The following KMT2A variants were observed in gnomAD, a reference collection of about 807,000 sequenced individuals.
The protein encoded by KMT2A is histone-lysine N-methyltransferase 2A.
KMT2A carries 16 observed loss-of-function variants against 345.3 expected under a neutral mutation model. The observed-to-expected ratio is 0.05, with a 90% CI of 0.03 to 0.07. The LOEUF (loss-of-function observed/expected upper bound fraction) is 0.07, where lower values mean the gene tolerates loss of function less well. KMT2A is among the 10% of genes least tolerant of loss of function. The pLI, the probability that KMT2A is intolerant of heterozygous loss-of-function variation, is 1.00. For synonymous variants in KMT2A, 1,599 were observed against 1,778.6 expected (o/e 0.90, Z 2.54); for missense variants, 3,272 against 4,841.6 (o/e 0.68, Z 9.62).
intron 1 of KMT2A, among the ~76,000 whole-genome samples, chr11:118,454,914 T>C (rs554487393): frequency 6.6e-6 from 1 of 152,300 alleles, no homozygotes; most frequent in Admixed American, 6.5e-5. Flanking sequence ...CCCATAGTTT[T>C]CCAGTCTTCG....
Position 118,482,470 on chromosome 11 carries a change from C to A in KMT2A, c.4061C>A (p.Pro1354His), listed in dbSNP as rs201813757. ...AAAGTGGCTCCCCGCCCAAGTATCC[C>A]TGTAAAACAAAAACCAAAAGAAAAG... ...QKKVAPRPSI[P>H]VKQKPKEKEK... is the part of the protein sequence containing the mutation. Residue 1354 changes from proline (P) to histidine (H), a missense_variant, in exon 8 of 36, where the codon CCT (proline) becomes CAT (histidine). Pro to His is a moderately conservative substitution (Grantham distance 77, BLOSUM62 -2). Transcript: ENST00000534358. 10 of 1,612,978 alleles carry A rather than the reference C, an allele frequency of 6.2e-6. No homozygotes were observed. The East Asian group carries it at 1.8e-4, about 29-fold the overall frequency.
intron 5 of KMT2A, 37 bp from the exon 6 acceptor site, chr11:118,480,137 T>C: frequency 2.0e-6 from 3 of 1,523,518 alleles, no homozygotes; most frequent in Non-Finnish European, 1.8e-6. Context: ...TTCTTCTAAA[T>C]TTAATTTGTT....
chr11:118,502,022 G>A lies in KMT2A; in HGVS notation c.6505+165G>A, dbSNP rs1950508898. Among the ~76,000 whole-genome samples, 1 of 152,154 alleles carries A rather than the reference G, an allele frequency of 6.6e-6. No individual in the cohort carries two copies. Among genetic ancestry groups the A allele is most frequent in the Non-Finnish European group, 1.5e-5 (1 of 68,022 alleles). On this transcript the variant is annotated intron_variant, in intron 26 of 35. Transcript: ENST00000534358. This position sits in a 1 kb window ranked among gnomAD's most constrained non-coding sequence, Gnocchi z 4.9. ...AATCCTAGCACTTTGGGAGGCCAGG[G>A]CAGGTGGATCACCTGAGGTCAGGAG...
intron 31 of KMT2A, among the ~76,000 whole-genome samples, chr11:118,517,846 A>G (rs1950856804): frequency 6.6e-6 from 1 of 152,194 alleles, no homozygotes; most frequent in Non-Finnish European, 1.5e-5. Context: ...CTCTTAGAAA[A>G]AGAATATTGC....
Position 118,496,969 on chromosome 11 carries a change from TTTTTGTTTTG to T in KMT2A, c.5664+617_5664+626del, listed in dbSNP as rs1242979768. Among the ~76,000 whole-genome samples the T allele has an allele frequency of 2.0e-5, 3 of 152,258 alleles. No homozygotes were observed. On this transcript the variant is annotated intron_variant, in intron 20 of 35. Transcript: ENST00000534358. This position sits in a 1 kb window ranked among gnomAD's most constrained non-coding sequence, Gnocchi z 4.7. ...CAATTTTTTTAAAAGTTTTTTGTGT[TTTTTGTTTTG>T]TTTTGTTTTGTTTTTTTGAGCGGAG...
intron 10 of KMT2A, among the ~76,000 whole-genome samples, chr11:118,487,228 C>CT (rs1398258828): frequency 1.3e-5 from 2 of 152,120 alleles, no homozygotes; most frequent in Non-Finnish European, 2.9e-5. Flanking sequence ...ACAGGAATAA[C>CT]TTTTTTTATA....
Position 118,503,212 on chromosome 11 carries a change from C to A in KMT2A, c.7320C>A (p.Phe2440Leu). The A allele has an allele frequency of 1.2e-6, 2 of 1,613,948 alleles. No individual in the cohort carries two copies. The highest frequency in any genetic ancestry group is 1.1e-5 in the South Asian group (1 of 91,034). ...GGAAAAAATCCTGTAAAGAAACTTT[C>A]AAAGAAAAGCATTCCAGTAAATCTT... ...QKGKKSCKET[F>L]KEKHSSKSFL... The change falls in exon 27 of 36, where the codon TTC (phenylalanine) becomes TTA (leucine). Residue 2440 changes from phenylalanine to leucine, a missense_variant. Around this residue, in one of 27 missense-constraint regions of KMT2A, gnomAD observed 445 missense variants for 500.9 expected, o/e 0.89. Coordinates refer to ENST00000534358, the MANE Select transcript of KMT2A (RefSeq NM_001197104.2). This position sits in a 1 kb window ranked among gnomAD's most constrained non-coding sequence, Gnocchi z 5.3.
intron 31 of KMT2A, among the ~76,000 whole-genome samples, chr11:118,515,682 C>CTTTTTTT (rs11374365): frequency 3.1e-5 from 3 of 97,476 alleles, no homozygotes; most frequent in African/African-American, 4.1e-5. Flanking sequence ...TTTTTCTGTC[C>CTTTTTTT]TTTTTTTTTT....
intron 6 of KMT2A, among the ~76,000 whole-genome samples, chr11:118,480,738 C>T (rs1247962954): frequency 6.6e-6 from 1 of 152,120 alleles, no homozygotes; most frequent in Non-Finnish European, 1.5e-5. Context: ...TTATGACTCA[C>T]TGTAGCTTCA....
At chr11:118,511,186 AC>A (rs1950680803) in intron 30 of KMT2A, among the ~76,000 whole-genome samples, 1 of 152,214 alleles carries the variant, frequency 6.6e-6, no homozygotes, top group African/African-American at 2.4e-5. Context: ...ATGCTCAAAG[AC>A]GAGAGTTTAC....
rs144791689 is a variant in KMT2A, at chr11:118,515,610, C to T, written c.11146+3585C>T. On this transcript the variant is annotated intron_variant, in intron 31 of 35. Coordinates refer to ENST00000534358, the MANE Select transcript of KMT2A (RefSeq NM_001197104.2). ...TCAGTCATCACAGTGTTCAGAGGAA[C>T]AGGAGAGGCTTAGGAACAAATGGAC... Among the ~76,000 whole-genome samples, 116 of 151,140 alleles carry T rather than the reference C, an allele frequency of 7.7e-4. 5 individuals are homozygous for T. The East Asian group carries it at 0.02, about 26-fold the overall frequency.
At chr11:118,466,552 C>T (rs1036228671) in intron 1 of KMT2A, among the ~76,000 whole-genome samples, 2 of 151,948 alleles carry the variant, frequency 1.3e-5, no homozygotes, top group African/African-American at 2.4e-5. Context: ...CAGTGGCTCA[C>T]GCCTGTAAAT....
chr11:118,498,566 G>C lies in KMT2A; in HGVS notation c.5961+38G>C. ...TAGTTGCTTTAAAAAAAAAAAAAAA[G>C]ACTTTTTTAGAGCAGTTTTAGGTTC... On this transcript the variant is annotated intron_variant, in intron 22 of 35. Coordinates refer to ENST00000534358, the MANE Select transcript of KMT2A (RefSeq NM_001197104.2). This position sits in a 1 kb window ranked among gnomAD's most constrained non-coding sequence, Gnocchi z 4.4. 2 of 1,309,842 alleles carry C rather than the reference G, an allele frequency of 1.5e-6. No homozygotes were observed. The highest frequency in any genetic ancestry group is 2.1e-6 in the Non-Finnish European group (2 of 949,576). The allele number at this position is 1,309,842 out of a possible 1,614,324, so 81.1% of individuals were successfully genotyped here. A position where few individuals can be genotyped will look rare whatever the true frequency, so the allele number is the denominator to read the frequency against.
At chr11:118,447,098 A>G (rs1187590562) in intron 1 of KMT2A, among the ~76,000 whole-genome samples, 1 of 152,154 alleles carries the variant, frequency 6.6e-6, no homozygotes, top group Non-Finnish European at 1.5e-5. Context: ...TAACTCTTCC[A>G]TGAAGTTTTC....
At position 118,525,353 on chromosome 11, in the gene KMT2A, A is replaced by G. The variant is rs1951059064; in HGVS notation, c.*3181A>G. On this transcript the variant is annotated 3_prime_UTR_variant, in exon 36 of 36. Transcript: ENST00000534358. Reference sequence around the variant, plus strand: ...CCTGGTGGCCAGTGACAACTGTGTAACCAGAATAGCTGCATGGCGCTGACC... The same window carrying G: ...CCTGGTGGCCAGTGACAACTGTGTAGCCAGAATAGCTGCATGGCGCTGACC... The G allele has an allele frequency of 4.4e-6, 1 of 227,028 alleles. No homozygotes were observed. Among genetic ancestry groups the G allele is most frequent in the South Asian group, 1.8e-4 (1 of 5,472 alleles). The allele number at this position is 227,028 out of a possible 1,614,324, so 14.1% of individuals were successfully genotyped here.
Position 118,494,443 on chromosome 11 carries a change from T to C in KMT2A, c.5289+45T>C. 9.6e-7 allele frequency: 1 copy of C among 1,043,620 alleles called. No homozygotes were observed. Among genetic ancestry groups the C allele is most frequent in the Non-Finnish European group, 1.5e-6 (1 of 669,262 alleles). 64.6% of individuals were successfully genotyped at this position (1,043,620 alleles called of 1,614,324 possible). On this transcript the variant is annotated intron_variant, in intron 17 of 35. Coordinates refer to ENST00000534358, the MANE Select transcript of KMT2A (RefSeq NM_001197104.2). The surrounding 1 kb of genome is among the most constrained non-coding windows in gnomAD (Gnocchi z 5.8). Reference sequence around the variant, plus strand: ...CATGTTTTTAATGCTTACCTATAAGTAATTACCCTGTGAATACAATGAACT... The same window carrying C: ...CATGTTTTTAATGCTTACCTATAAGCAATTACCCTGTGAATACAATGAACT...
intron 1 of KMT2A, chr11:118,439,231 G>A: frequency 2.6e-6 from 1 of 381,366 alleles, no homozygotes; most frequent in Non-Finnish European, 5.1e-6. Context: ...ATTGAGACTT[G>A]CCTGGTTATA....
chr11:118,446,139 A>G (rs1949416564), intron 1 of KMT2A, among the ~76,000 whole-genome samples: 2 of 152,104 alleles, frequency 1.3e-5, no homozygotes, highest in Admixed American at 1.3e-4. Flanking sequence ...ACTTGAGGTC[A>G]GGAGTTTGAG....
Position 118,472,507 on chromosome 11 carries a change from A to G in KMT2A, c.1348A>G (p.Arg450Gly). ...CCGATTAGAGTCTACACCGAATAGT[A>G]GATTCAGTGCCCCGTCCTGTGGATC... ...IARLESTPNSRFSAPSCGSSE... is the reference protein window; with the variant it reads ...IARLESTPNSGFSAPSCGSSE... The change falls in exon 3 of 36, where the codon AGA becomes GGA. Residue 450 changes from arginine to glycine, a missense_variant. Arg to Gly is a moderately radical substitution (Grantham distance 125). Coordinates refer to ENST00000534358, the MANE Select transcript of KMT2A (RefSeq NM_001197104.2). The G allele has an allele frequency of 6.2e-7, 1 of 1,613,514 alleles. No homozygotes were observed. The highest frequency in any genetic ancestry group is 8.5e-7 in the Non-Finnish European group (1 of 1,179,896).
Sources: allele counts gnomAD v4.1 joint callset (sites outside exome capture counted in the v4.1 genomes callset), GRCh38; gene constraint gnomAD v4.1.1; regional missense constraint gnomAD v4.1.1; non-coding constraint Gnocchi (gnomAD v3.1); transcripts MANE v1.5; gene names NCBI Gene and HGNC (gene_info 2026-07-23, HGNC 2026-07-21).